Variants in PCDHGA9 observed in about 807,000 individuals in gnomAD.
PCDHGA9 encodes the protein protocadherin gamma-A9.
Under a neutral mutation model 62.5 loss-of-function variants are expected in PCDHGA9, and 37 were observed. That is an observed-to-expected ratio of 0.59 (90% CI 0.46 to 0.78). PCDHGA9 has a LOEUF of 0.78. Ranked by LOEUF, PCDHGA9 falls within the 30% of genes least tolerant of loss-of-function variation. PCDHGA9 has a pLI of 0.00. For missense variants in PCDHGA9, 1,138 were observed against 1,166.2 expected (o/e 0.98, Z 0.35); for synonymous variants, 459 against 484.6 (o/e 0.95, Z 0.69).
In PCDHGA9 at chr5:141,466,692, A is replaced by G. The variant is rs185786515; in HGVS notation, c.2425-28115A>G. Among the ~76,000 whole-genome samples the G allele has an allele frequency of 3.0e-4, 46 of 152,280 alleles. 1 individual carries two copies. The highest frequency in any genetic ancestry group is 1.0e-3 in the African/African-American group (43 of 41,558). On this transcript the variant is annotated intron_variant, in intron 1 of 3. Coordinates refer to ENST00000573521, the MANE Select transcript of PCDHGA9 (RefSeq NM_018921.3). ...ACCGTTCTTCCACTCAAGCTTCATCATAAATTTGATGTCTGTTCTTGTTTC... is the reference window on the plus strand; with the variant it reads ...ACCGTTCTTCCACTCAAGCTTCATCGTAAATTTGATGTCTGTTCTTGTTTC...
intron 1 of PCDHGA9, chr5:141,484,903 G>A: frequency 2.5e-6 from 1 of 407,434 alleles, no homozygotes; most frequent in Non-Finnish European, 4.4e-6. Context: ...CTCCAATGCT[G>A]CGACGCATTA....
In PCDHGA9 at chr5:141,408,711, A is replaced by T. The variant is rs763392682; in HGVS notation, c.2424+3335A>T. The T allele has an allele frequency of 9.3e-6, 15 of 1,612,568 alleles. No homozygotes were observed. In the East Asian group the frequency reaches 3.3e-4, roughly 36 times the overall value. On this transcript the variant is annotated intron_variant, in intron 1 of 3. Transcript: ENST00000573521. The stretch of plus-strand genomic sequence containing the variant: ...ATAAACATAAACTCAATTAAAGATT[A>T]TAAGATAAACTCTAATCCTTATTTT...
intron 1 of PCDHGA9, chr5:141,427,811 C>T (rs1335555425): frequency 6.6e-7 from 1 of 1,523,180 alleles, no homozygotes; most frequent in Admixed American, 1.7e-5. Flanking sequence ...GCGCACAGAG[C>T]GGGGTGGTGG....
intron 1 of PCDHGA9, 61 bp downstream of exon 1, chr5:141,405,437 T>C: frequency 7.0e-7 from 1 of 1,433,230 alleles, no homozygotes; most frequent in Non-Finnish European, 9.6e-7. Flanking sequence ...GTTTTGTTTT[T>C]GAGACAGAGT....
chr5:141,476,619 CTT>C lies in PCDHGA9; in HGVS notation c.2425-18186_2425-18185del. Reference sequence around the variant, plus strand: ...CACGATCCCGATGTGGGAAGCAACTCTTTACAAACCTATGAGCTGAGCCGAAA... The same window carrying C: ...CACGATCCCGATGTGGGAAGCAACTCTACAAACCTATGAGCTGAGCCGAAA... On this transcript the variant is annotated intron_variant, in intron 1 of 3. Transcript: ENST00000573521. This position sits in a 1 kb window ranked among gnomAD's most constrained non-coding sequence, Gnocchi z 7.6. The C allele has an allele frequency of 1.2e-6, 2 of 1,614,258 alleles. No homozygotes were observed. The highest frequency in any genetic ancestry group is 1.7e-6 in the Non-Finnish European group (2 of 1,180,052).
chr5:141,487,798 G>A lies in PCDHGA9; in HGVS notation c.2425-7009G>A, dbSNP rs1197016007. 6.7e-7 allele frequency: 1 copy of A among 1,498,792 alleles called. No homozygotes were observed. Among genetic ancestry groups the A allele is most frequent in the South Asian group, 1.3e-5 (1 of 78,368 alleles). 92.8% of individuals were successfully genotyped at this position (1,498,792 alleles called of 1,614,324 possible). On this transcript the variant is annotated intron_variant, in intron 1 of 3. Coordinates refer to ENST00000573521, the MANE Select transcript of PCDHGA9 (RefSeq NM_018921.3). The surrounding 1 kb of genome is among the most constrained non-coding windows in gnomAD (Gnocchi z 5.0). ...ACTGTTTCGTGAATTAACCAGAGTT[G>A]TCACAGTTTAGCATTGGGGGCGGGT...
intron 1 of PCDHGA9, among the ~76,000 whole-genome samples, chr5:141,464,203 T>G (rs2099077714): frequency 6.6e-6 from 1 of 150,780 alleles, no homozygotes; most frequent in South Asian, 2.1e-4. Flanking sequence ...AGGCGGAGAT[T>G]GCAGTGAGCT....
chr5:141,410,528 A>G (rs1464482105), intron 1 of PCDHGA9: 3 of 1,613,852 alleles, frequency 1.9e-6, no homozygotes, highest in Non-Finnish European at 2.5e-6. Flanking sequence ...CCTACATTCC[A>G]ATGAAGACAT....
In PCDHGA9 at chr5:141,418,814, A is replaced by G. The variant is rs2096290321; in HGVS notation, c.2424+13438A>G. ...AGAAGTAGAAAGATATACGATAAACATAGAAGCAAAAGACCGAGGATCTCT... is the reference window on the plus strand; with the variant it reads ...AGAAGTAGAAAGATATACGATAAACGTAGAAGCAAAAGACCGAGGATCTCT... On this transcript the variant is annotated intron_variant, in intron 1 of 3. Transcript: ENST00000573521. The G allele has an allele frequency of 6.2e-7, 1 of 1,613,962 alleles. No individual in the cohort carries two copies.
chr5:141,409,055 G>A lies in PCDHGA9; in HGVS notation c.2424+3679G>A, dbSNP rs141881204. The A allele has an allele frequency of 7.2e-5, 117 of 1,614,038 alleles. No individual in the cohort carries two copies. Among genetic ancestry groups the A allele is most frequent in the Admixed American group, 5.0e-4 (30 of 60,032 alleles). On this transcript the variant is annotated intron_variant, in intron 1 of 3. Coordinates refer to ENST00000573521, the MANE Select transcript of PCDHGA9 (RefSeq NM_018921.3). ...GATAAACTACTACTTCCGAAGCACT[G>A]CCCAGAGCACAAAACATATGTTCTC...
At chr5:141,423,318 G>T (rs1165459779) in intron 1 of PCDHGA9, 17 of 1,614,006 alleles carry the variant, frequency 1.1e-5, no homozygotes, top group South Asian at 8.8e-5. Context: ...TGGTGGTGGC[G>T]GTGGCCGCAG....
At chr5:141,468,871 T>TAAG (rs796694379) in intron 1 of PCDHGA9, among the ~76,000 whole-genome samples, 1 of 148,338 alleles carries the variant, frequency 6.7e-6, no homozygotes, top group African/African-American at 2.5e-5. Flanking sequence ...ATCTCAAAAA[T>TAAG]AATAATAATA....
chr5:141,418,773 A>G, intron 1 of PCDHGA9: 2 of 1,613,904 alleles, frequency 1.2e-6, no homozygotes, highest in Non-Finnish European at 1.7e-6. Flanking sequence ...CTAACTCAGC[A>G]GCCTTTGGAT....
In PCDHGA9 at chr5:141,423,390, T is replaced by C. The variant is rs751337994; in HGVS notation, c.2424+18014T>C. ...TGGCACTCAGGCTGTGGCGCTGGCATAAGTCACGCCTGCTGCAGGCTTCTG... is the reference window on the plus strand; with the variant it reads ...TGGCACTCAGGCTGTGGCGCTGGCACAAGTCACGCCTGCTGCAGGCTTCTG... On this transcript the variant is annotated intron_variant, in intron 1 of 3. Coordinates refer to ENST00000573521, the MANE Select transcript of PCDHGA9 (RefSeq NM_018921.3). 2.5e-6 allele frequency: 4 copies of C among 1,614,144 alleles called. No homozygotes were observed. In the South Asian group the frequency reaches 3.3e-5, roughly 13 times the overall value.
At position 141,431,808 on chromosome 5, in the gene PCDHGA9, C is replaced by A. The variant is rs2097419249; in HGVS notation, c.2424+26432C>A. Reference sequence around the variant, plus strand: ...GACAATGCCCCAGAAGTGGTCCTCACCTCTCTCGCCAGCTCGGTTCCCGAA... The same window carrying A: ...GACAATGCCCCAGAAGTGGTCCTCAACTCTCTCGCCAGCTCGGTTCCCGAA... On this transcript the variant is annotated intron_variant, in intron 1 of 3. Transcript: ENST00000573521. The surrounding 1 kb of genome is among the most constrained non-coding windows in gnomAD (Gnocchi z 4.8). The A allele has an allele frequency of 6.2e-7, 1 of 1,614,236 alleles. No individual in the cohort carries two copies. Among genetic ancestry groups the A allele is most frequent in the Non-Finnish European group, 8.5e-7 (1 of 1,180,040 alleles).
chr5:141,431,023 C>G lies in PCDHGA9; in HGVS notation c.2424+25647C>G. 6.2e-7 allele frequency: 1 copy of G among 1,613,748 alleles called. No homozygotes were observed. Among genetic ancestry groups the G allele is most frequent in the Non-Finnish European group, 8.5e-7 (1 of 1,179,820 alleles). On this transcript the variant is annotated intron_variant, in intron 1 of 3. Transcript: ENST00000573521. This position sits in a 1 kb window ranked among gnomAD's most constrained non-coding sequence, Gnocchi z 4.8. ...GCAGCGGCAGCTTGGTCACGGCGGG[C>G]AGGATAGACCGGGAGGAGCTCTGTA...
intron 1 of PCDHGA9, chr5:141,412,306 A>G (rs1160364599): frequency 1.3e-5 from 2 of 152,238 alleles, no homozygotes; most frequent in Non-Finnish European, 2.9e-5. Flanking sequence ...TCTCATTACA[A>G]TGCAAACAGT....
Position 141,403,050 on chromosome 5 carries a change from A to G in PCDHGA9, c.98A>G (p.Tyr33Cys). Residue 33 changes from tyrosine to cysteine, a missense_variant, in exon 1 of 4, where the codon TAC (tyrosine) becomes TGC (cysteine). By Grantham distance (194) the Tyr-to-Cys change is radical. Coordinates refer to ENST00000573521, the MANE Select transcript of PCDHGA9 (RefSeq NM_018921.3). ...GAGGCCAGGGCCAGTCAGATTCGCT[A>G]CTCAGTGCCTGAAGAGACAGAAAAG... ...LWEARASQIR[Y>C]SVPEETEKGY... 1.2e-6 allele frequency: 2 copies of G among 1,614,060 alleles called. No homozygotes were observed. Among genetic ancestry groups the G allele is most frequent in the Non-Finnish European group, 1.7e-6 (2 of 1,179,904 alleles).
At chr5:141,503,325 G>A (rs1002520312) in intron 2 of PCDHGA9, among the ~76,000 whole-genome samples, 10 of 152,104 alleles carry the variant, frequency 6.6e-5, no homozygotes, top group East Asian at 1.9e-4. Flanking sequence ...GGAGGGGCGC[G>A]GTGGCTCACG....
Sources: allele counts gnomAD v4.1 joint callset (sites outside exome capture counted in the v4.1 genomes callset), GRCh38; gene constraint gnomAD v4.1.1; non-coding constraint Gnocchi (gnomAD v3.1); transcripts MANE v1.5; gene names NCBI Gene and HGNC (gene_info 2026-07-23, HGNC 2026-07-21).